Variants in TIAM1 observed in about 807,000 individuals in gnomAD.
TIAM1 encodes TIAM Rac1 associated GEF 1.
Under a neutral mutation model 163.5 loss-of-function variants are expected in TIAM1, and 65 were observed. The ratio of observed to expected loss-of-function variants is 0.40; its 90% CI spans 0.33 to 0.49. The LOEUF (loss-of-function observed/expected upper bound fraction) is 0.49, where lower values mean the gene tolerates loss of function less well. Among genes scored for constraint, TIAM1 ranks in the 20% least tolerant of loss-of-function variants. The pLI, the probability that TIAM1 is intolerant of heterozygous loss-of-function variation, is 0.77. For synonymous variants in TIAM1, 833 were observed against 810.1 expected (o/e 1.03, Z -0.48); for missense variants, 1,789 against 2,044.7 (o/e 0.87, Z 2.41).
chr21:31,150,371 A>G (rs559175792), intron 19 of TIAM1, among the ~76,000 whole-genome samples: 2 of 152,318 alleles, frequency 1.3e-5, no homozygotes, highest in South Asian at 2.1e-4. Flanking sequence ...AACATTACAC[A>G]GCTAGATTCC....
chr21:31,429,365 G>T (rs1198648239), intron 2 of TIAM1, among the ~76,000 whole-genome samples: 1 of 152,126 alleles, frequency 6.6e-6, no homozygotes, highest in Non-Finnish European at 1.5e-5. Flanking sequence ...AAAATATTCA[G>T]ACCCTTTGAC....
intron 15 of TIAM1, among the ~76,000 whole-genome samples, chr21:31,169,529 C>T (rs368531415): frequency 6.6e-6 from 1 of 152,228 alleles, no homozygotes; most frequent in East Asian, 1.9e-4. Flanking sequence ...TATGGAATTG[C>T]ATTTTCAGCT....
intron 4 of TIAM1, among the ~76,000 whole-genome samples, chr21:31,257,360 A>G (rs917862995): frequency 1.3e-5 from 2 of 152,216 alleles, no homozygotes; most frequent in Non-Finnish European, 2.9e-5. Context: ...GTTACTAAAA[A>G]GGGATTCCAA....
chr21:31,401,169 T>C (rs2077158279), intron 2 of TIAM1, among the ~76,000 whole-genome samples: 1 of 152,174 alleles, frequency 6.6e-6, no homozygotes, highest in Admixed American at 6.6e-5. Flanking sequence ...CAAGTGCATA[T>C]GAAAAGATGA....
Position 31,266,557 on chromosome 21 carries a change from GCGT to G in TIAM1, c.413_415del (p.Asp138del), listed in dbSNP as rs763074992. The G allele has an allele frequency of 1.2e-6, 2 of 1,614,036 alleles. No individual in the cohort carries two copies. On this transcript the variant is annotated inframe_deletion, in exon 4 of 28. Coordinates refer to ENST00000541036, the MANE Select transcript of TIAM1 (RefSeq NM_001353694.2). ...CCTGCCTCCCTCAGCCAAATATGTA[GCGT>G]CATCCCCGTAAAGCCTGCTCTCCTC...
chr21:31,425,012 C>T (rs1265289203), intron 2 of TIAM1, among the ~76,000 whole-genome samples: 1 of 151,012 alleles, frequency 6.6e-6, no homozygotes, highest in Non-Finnish European at 1.5e-5. Flanking sequence ...AAGATCATAC[C>T]ACTGCACTCC....
At chr21:31,185,603 G>T (rs2085263551) in intron 14 of TIAM1, among the ~76,000 whole-genome samples, 1 of 137,356 alleles carries the variant, frequency 7.3e-6, no homozygotes. Context: ...ATATCATATA[G>T]CTATATATTA....
chr21:31,430,369 C>G (rs1231600790), intron 2 of TIAM1, among the ~76,000 whole-genome samples: 5 of 151,192 alleles, frequency 3.3e-5, no homozygotes, highest in African/African-American at 1.2e-4. Flanking sequence ...TACATGCAAA[C>G]AAGAGCTAAG....
intron 2 of TIAM1, among the ~76,000 whole-genome samples, chr21:31,357,959 C>G (rs1423000213): frequency 6.6e-6 from 1 of 152,176 alleles, no homozygotes; most frequent in Non-Finnish European, 1.5e-5. Context: ...GTTGGAGAAC[C>G]ACAGGGCTTA....
chr21:31,262,865 C>A (rs2146800440), intron 4 of TIAM1, among the ~76,000 whole-genome samples: 1 of 152,150 alleles, frequency 6.6e-6, no homozygotes, highest in African/African-American at 2.4e-5. Flanking sequence ...ATCATCAGGG[C>A]AGCCAAGGAG....
At chr21:31,210,305 C>T (rs1335135863) in intron 10 of TIAM1, 90 bp from the exon 11 acceptor site, 9 of 1,396,134 alleles carry the variant, frequency 6.4e-6, no homozygotes, top group Admixed American at 1.8e-5. Context: ...CACCGATTCC[C>T]ATGAAAACAG....
At chr21:31,259,795 G>A (rs974111158) in intron 4 of TIAM1, among the ~76,000 whole-genome samples, 5 of 151,560 alleles carry the variant, frequency 3.3e-5, no homozygotes, top group African/African-American at 1.2e-4. Context: ...CTGCTCATAG[G>A]GTCCAACCAA....
intron 15 of TIAM1, among the ~76,000 whole-genome samples, chr21:31,171,018 AGAGT>A (rs2084482604): frequency 7.2e-6 from 1 of 138,280 alleles, no homozygotes; most frequent in East Asian, 2.2e-4. Context: ...CCTGGGTGAC[AGAGT>A]GAGACTCCAT....
intron 2 of TIAM1, among the ~76,000 whole-genome samples, chr21:31,336,061 A>G (rs2075828163): frequency 6.6e-6 from 1 of 152,214 alleles, no homozygotes; most frequent in African/African-American, 2.4e-5. Flanking sequence ...TTCCAGCCCT[A>G]GCCCTCCTTC....
intron 2 of TIAM1, among the ~76,000 whole-genome samples, chr21:31,435,111 G>C (rs914625294): frequency 5.3e-5 from 8 of 151,972 alleles, no homozygotes; most frequent in Non-Finnish European, 1.5e-5. Flanking sequence ...CAAGAACTTC[G>C]GGGCCACTGG....
At chr21:31,380,176 T>C (rs2076754041) in intron 2 of TIAM1, among the ~76,000 whole-genome samples, 1 of 151,984 alleles carries the variant, frequency 6.6e-6, no homozygotes, top group Non-Finnish European at 1.5e-5. Context: ...GGCATGAGAA[T>C]CGCTTGAACC....
At chr21:31,425,728 G>A (rs534130102) in intron 2 of TIAM1, among the ~76,000 whole-genome samples, 63 of 137,502 alleles carry the variant, frequency 4.6e-4, no homozygotes, top group Non-Finnish European at 7.9e-4. Flanking sequence ...ACAGAGTCTC[G>A]CTCTGTCGCC....
At chr21:31,480,611 G>C (rs1265116673) in intron 1 of TIAM1, among the ~76,000 whole-genome samples, 1 of 152,212 alleles carries the variant, frequency 6.6e-6, no homozygotes, top group Non-Finnish European at 1.5e-5. Context: ...CCTGACCTTG[G>C]CAGTGGCTGC....
At chr21:31,328,000 C>A (rs2075552047) in intron 2 of TIAM1, among the ~76,000 whole-genome samples, 1 of 152,094 alleles carries the variant, frequency 6.6e-6, no homozygotes, top group Non-Finnish European at 1.5e-5. Context: ...CCTTGGCTCT[C>A]CCACTTTGCT....
Sources: allele counts gnomAD v4.1 joint callset (sites outside exome capture counted in the v4.1 genomes callset), GRCh38; gene constraint gnomAD v4.1.1; transcripts MANE v1.5; gene names NCBI Gene and HGNC (gene_info 2026-07-23, HGNC 2026-07-21).